Variants in LURAP1L observed in about 807,000 individuals in gnomAD.
LURAP1L encodes leucine rich adaptor protein 1 like.
LURAP1L carries 12 observed loss-of-function variants against 13.8 expected under a neutral mutation model. The ratio of observed to expected loss-of-function variants is 0.87; its 90% CI spans 0.56 to 1.41. The LOEUF is 1.41. LURAP1L is among the 40% of genes most tolerant of loss of function. The pLI is 0.00. For missense variants in LURAP1L, 375 were observed against 292.9 expected, an observed-to-expected ratio of 1.28 and a Z score of -2.04; for synonymous variants, 139 against 119.2, an observed-to-expected ratio of 1.17 and a Z score of -1.08.
At chr9:12,816,232 T>C (rs1002166040) in intron 1 of LURAP1L, among the ~76,000 whole-genome samples, 3 of 152,204 alleles carry the variant, frequency 2.0e-5, no homozygotes, top group Non-Finnish European at 4.4e-5. Flanking sequence ...AATCTCAGTA[T>C]GAAAAGCAGA....
In LURAP1L at chr9:12,821,457, C is replaced by T; in HGVS notation, c.384C>T (p.Ile128=). 4 of 1,614,090 alleles carry T rather than the reference C, an allele frequency of 2.5e-6. No individual in the cohort carries two copies. The highest frequency in any genetic ancestry group is 3.4e-6 in the Non-Finnish European group (4 of 1,180,018). The part of the protein sequence containing the change: ...LLVINESIES[I]KWMIEEKATI... ...TAATCAATGAGAGCATCGAGTCCATCAAGTGGATGATCGAAGAAAAAGCCA... is the reference window on the plus strand; with the variant it reads ...TAATCAATGAGAGCATCGAGTCCATTAAGTGGATGATCGAAGAAAAAGCCA... The change falls in exon 2 of 2, where the codon ATC becomes ATT. Residue 128 remains isoleucine (I), a synonymous_variant. Coordinates refer to ENST00000319264, the MANE Select transcript of LURAP1L (RefSeq NM_203403.2).
At chr9:12,784,476 G>T (rs903633957) in intron 1 of LURAP1L, among the ~76,000 whole-genome samples, 2 of 152,154 alleles carry the variant, frequency 1.3e-5, no homozygotes, top group South Asian at 4.1e-4. Context: ...GTGGTGTGGG[G>T]TACTATATGA....
chr9:12,794,046 T>TA (rs1819481013), intron 1 of LURAP1L, among the ~76,000 whole-genome samples: 1 of 152,060 alleles, frequency 6.6e-6, no homozygotes, highest in Non-Finnish European at 1.5e-5. Context: ...CATTAACCAT[T>TA]AATTAAGCCT....
chr9:12,809,497 T>C (rs1586885587), intron 1 of LURAP1L, among the ~76,000 whole-genome samples: 1 of 152,220 alleles, frequency 6.6e-6, no homozygotes, highest in African/African-American at 2.4e-5. Context: ...CTTTCATCTC[T>C]CTGCTTTTAT....
intron 1 of LURAP1L, among the ~76,000 whole-genome samples, chr9:12,799,613 G>C (rs1421424265): frequency 6.6e-6 from 1 of 152,120 alleles, no homozygotes; most frequent in Non-Finnish European, 1.5e-5. Context: ...GGGTGTGGTG[G>C]CTCACGCCTG....
In LURAP1L at chr9:12,807,865, T is replaced by C. The variant is rs542853151; in HGVS notation, c.313-13521T>C. ...TCTTCTCTTGGCATATTAATTATAC[T>C]TCTTTTTTAAGTACGATTTTTAGTG... On this transcript the variant is annotated intron_variant, in intron 1 of 1. Coordinates refer to ENST00000319264, the MANE Select transcript of LURAP1L (RefSeq NM_203403.2). 3.3e-4 allele frequency among the ~76,000 whole-genome samples: 51 copies of C among 152,306 alleles called. 1 individual carries two copies. The South Asian group carries it at 9.9e-3, about 30-fold the overall frequency.
At chr9:12,794,068 T>C (rs1819481365) in intron 1 of LURAP1L, among the ~76,000 whole-genome samples, 1 of 152,032 alleles carries the variant, frequency 6.6e-6, no homozygotes. Flanking sequence ...CTAGGAGTAA[T>C]ATCAGATGTC....
chr9:12,798,807 T>C (rs1283073220), intron 1 of LURAP1L, among the ~76,000 whole-genome samples: 1 of 152,206 alleles, frequency 6.6e-6, no homozygotes, highest in Non-Finnish European at 1.5e-5. Flanking sequence ...GTAGCACCTC[T>C]ATGGTTGTAT....
intron 1 of LURAP1L, among the ~76,000 whole-genome samples, chr9:12,792,941 T>C (rs974567404): frequency 5.3e-5 from 8 of 152,078 alleles, no homozygotes; most frequent in Admixed American, 1.3e-4. Context: ...AGTTTGAAGA[T>C]GCCGGAATAA....
At chr9:12,818,825 T>A (rs942353774) in intron 1 of LURAP1L, among the ~76,000 whole-genome samples, 1 of 152,164 alleles carries the variant, frequency 6.6e-6, no homozygotes, top group Non-Finnish European at 1.5e-5. Context: ...TTTGGGTGGC[T>A]ATTGGGAAAT....
Position 12,821,775 on chromosome 9 carries a change from A to C in LURAP1L, c.*15A>C. 3 of 1,605,064 alleles carry C rather than the reference A, an allele frequency of 1.9e-6. No homozygotes were observed. The highest frequency in any genetic ancestry group is 2.6e-6 in the Non-Finnish European group (3 of 1,173,356). Reference sequence around the variant, plus strand: ...GCTTTGGCTAGTGACAGTTTTTTGCATGGGACTGGTGTGCAATGAACTTGT... The same window carrying C: ...GCTTTGGCTAGTGACAGTTTTTTGCCTGGGACTGGTGTGCAATGAACTTGT... On this transcript the variant is annotated 3_prime_UTR_variant, in exon 2 of 2. Transcript: ENST00000319264.
chr9:12,810,220 G>A (rs1381219745), intron 1 of LURAP1L, among the ~76,000 whole-genome samples: 1 of 152,150 alleles, frequency 6.6e-6, no homozygotes, highest in East Asian at 1.9e-4. Context: ...AAAGTGCGGG[G>A]TGCCCCTGAG....
chr9:12,803,346 TG>T (rs1431541359), intron 1 of LURAP1L, among the ~76,000 whole-genome samples: 2 of 152,218 alleles, frequency 1.3e-5, no homozygotes, highest in Admixed American at 1.3e-4. Flanking sequence ...GACAGGAGAA[TG>T]GGGACATGGG....
At chr9:12,786,343 T>C (rs1819350191) in intron 1 of LURAP1L, among the ~76,000 whole-genome samples, 1 of 151,554 alleles carries the variant, frequency 6.6e-6, no homozygotes. Flanking sequence ...CACTTAATAG[T>C]TCTTTTCTAA....
intron 1 of LURAP1L, among the ~76,000 whole-genome samples, chr9:12,794,478 T>C (rs1819486528): frequency 6.6e-6 from 1 of 152,050 alleles, no homozygotes; most frequent in Non-Finnish European, 1.5e-5. Context: ...GTTACTCAAG[T>C]GCATTAACTC....
chr9:12,790,056 G>A (rs1318707473), intron 1 of LURAP1L, among the ~76,000 whole-genome samples: 1 of 152,090 alleles, frequency 6.6e-6, no homozygotes, highest in Non-Finnish European at 1.5e-5. Context: ...ATGACTTATG[G>A]TAAAGTAAAT....
chr9:12,779,791 A>C (rs1471934965), intron 1 of LURAP1L, among the ~76,000 whole-genome samples: 1 of 152,204 alleles, frequency 6.6e-6, no homozygotes, highest in Admixed American at 6.5e-5. Flanking sequence ...TTCTTCTCCC[A>C]GAATTTCAAA....
chr9:12,775,365 C>A lies in LURAP1L; in HGVS notation c.-351C>A. The A allele has an allele frequency of 4.2e-6, 1 of 239,922 alleles. No homozygotes were observed. Among genetic ancestry groups the A allele is most frequent in the Non-Finnish European group, 7.9e-6 (1 of 127,222 alleles). The allele number at this position is 239,922 out of a possible 1,614,324, so 14.9% of individuals were successfully genotyped here. ...TAAAGCTAAAACAGATTTAATTTCC[C>A]TCTCTTTTCTTTCACTACTTCCCCC... On this transcript the variant is annotated 5_prime_UTR_variant, in exon 1 of 2. Coordinates refer to ENST00000319264, the MANE Select transcript of LURAP1L (RefSeq NM_203403.2).
intron 1 of LURAP1L, among the ~76,000 whole-genome samples, chr9:12,807,784 T>C (rs2118529051): frequency 6.6e-6 from 1 of 152,318 alleles, no homozygotes; most frequent in African/African-American, 2.4e-5. Flanking sequence ...TTTTCTTTGC[T>C]TTTTTGTCTT....
Sources: allele counts gnomAD v4.1 joint callset (sites outside exome capture counted in the v4.1 genomes callset), GRCh38; gene constraint gnomAD v4.1.1; transcripts MANE v1.5; gene names NCBI Gene and HGNC (gene_info 2026-07-23, HGNC 2026-07-21).